Variants in GLIS3 observed in about 807,000 individuals in gnomAD.
GLIS3 encodes GLIS family zinc finger 3, also known as zinc finger protein GLIS3.
A neutral mutation model predicts 78.6 loss-of-function variants in GLIS3; 53 were observed. That is an observed-to-expected ratio of 0.67 (90% CI 0.54 to 0.85). GLIS3 has a LOEUF of 0.85. Ranked by LOEUF, GLIS3 falls within the 40% of genes least tolerant of loss-of-function variation. The pLI is 0.00. For missense variants in GLIS3, 1,703 were observed against 1,231.1 expected (o/e 1.38, Z -5.74); for synonymous variants, 684 against 509.9 (o/e 1.34, Z -4.60).
intron 6 of GLIS3, among the ~76,000 whole-genome samples, chr9:3,919,461 C>A (rs1197037731): frequency 6.6e-6 from 1 of 151,812 alleles, no homozygotes; most frequent in Admixed American, 6.6e-5. Flanking sequence ...TATAGGGGAA[C>A]AACACACACT....
At chr9:4,242,823 T>A (rs1463511237) in intron 2 of GLIS3, among the ~76,000 whole-genome samples, 1 of 152,216 alleles carries the variant, frequency 6.6e-6, no homozygotes, top group South Asian at 2.1e-4. Flanking sequence ...GTATTTTAGA[T>A]AAAAATGTAT....
At chr9:3,978,973 G>C (rs542053406) in intron 4 of GLIS3, among the ~76,000 whole-genome samples, 1 of 152,144 alleles carries the variant, frequency 6.6e-6, no homozygotes, top group Admixed American at 6.5e-5. Context: ...GAGATTATCT[G>C]ATGTATACAG....
chr9:3,832,860 C>T (rs1259267843), intron 9 of GLIS3, among the ~76,000 whole-genome samples: 1 of 152,194 alleles, frequency 6.6e-6, no homozygotes, highest in Non-Finnish European at 1.5e-5. Context: ...ACTCCCACAA[C>T]TTCACAAATA....
chr9:4,350,493 T>A (rs148136785), upstream of GLIS3, among the ~76,000 whole-genome samples: 1 of 152,206 alleles, frequency 6.6e-6, no homozygotes, highest in Non-Finnish European at 1.5e-5. Flanking sequence ...CTGTGCACAG[T>A]GTAAATTTAT....
At chr9:4,411,480 A>C in the GLIS3 span, among the ~76,000 whole-genome samples, 1 of 152,214 alleles carries the variant, frequency 6.6e-6, no homozygotes, top group Non-Finnish European at 1.5e-5. Flanking sequence ...CAAATGTAGT[A>C]AATGCTCACA....
intron 2 of GLIS3, among the ~76,000 whole-genome samples, chr9:4,248,173 T>C (rs113815371): frequency 2.0e-5 from 3 of 152,276 alleles, no homozygotes; most frequent in East Asian, 1.9e-4. Context: ...CGTGACATAA[T>C]GGTTTGCTGC....
intron 9 of GLIS3, among the ~76,000 whole-genome samples, chr9:3,836,397 C>T (rs1818354860): frequency 6.6e-6 from 1 of 152,232 alleles, no homozygotes; most frequent in Admixed American, 6.5e-5. Flanking sequence ...ATTTTGGCCC[C>T]AGTCATATGG....
chr9:4,008,383 T>C (rs1821728033), intron 4 of GLIS3, among the ~76,000 whole-genome samples: 1 of 152,070 alleles, frequency 6.6e-6, no homozygotes, highest in African/African-American at 2.4e-5. Flanking sequence ...CAGTGCCATT[T>C]TCCCTGCCCT....
intron 8 of GLIS3, among the ~76,000 whole-genome samples, chr9:3,868,803 CCTT>C (rs1820775580): frequency 1.3e-5 from 2 of 152,024 alleles, no homozygotes; most frequent in East Asian, 3.9e-4. Context: ...TGGCTCTCTT[CCTT>C]CTTAGCTTTT....
chr9:4,481,949 G>A, the GLIS3 span, among the ~76,000 whole-genome samples: 1 of 152,202 alleles, frequency 6.6e-6, no homozygotes, highest in East Asian at 1.9e-4. Context: ...TTTTGCAATT[G>A]TAAATTTTAA....
the GLIS3 span, among the ~76,000 whole-genome samples, chr9:4,457,956 G>A: frequency 6.6e-6 from 1 of 151,992 alleles, no homozygotes; most frequent in South Asian, 2.1e-4. Context: ...TGACCTTTGT[G>A]TACTTGTTAG....
chr9:4,364,756 C>CTTTGTTTTTTTTT, the GLIS3 span, among the ~76,000 whole-genome samples: 1 of 61,080 alleles, frequency 1.6e-5, no homozygotes, highest in Non-Finnish European at 2.9e-5. Flanking sequence ...TCATGTATTG[C>CTTTGTTTTTTTTT]TTTTTTTTTT....
intron 2 of GLIS3, among the ~76,000 whole-genome samples, chr9:4,267,550 A>G (rs1327288994): frequency 6.6e-6 from 1 of 152,190 alleles, no homozygotes; most frequent in Non-Finnish European, 1.5e-5. Flanking sequence ...GTCCTTGACA[A>G]TCCCTAGCTA....
intron 2 of GLIS3, among the ~76,000 whole-genome samples, chr9:4,141,510 C>T (rs1224098731): frequency 2.0e-5 from 3 of 152,202 alleles, no homozygotes; most frequent in African/African-American, 7.2e-5. Context: ...GTTCTGCTCT[C>T]TACAAACACC....
intron 6 of GLIS3, among the ~76,000 whole-genome samples, chr9:3,925,998 C>A (rs1825195831): frequency 6.6e-6 from 1 of 152,272 alleles, no homozygotes. Flanking sequence ...CAAATGCTAA[C>A]CATCTGGGTC....
chr9:4,465,089 C>A, the GLIS3 span, among the ~76,000 whole-genome samples: 2 of 152,224 alleles, frequency 1.3e-5, no homozygotes, highest in Admixed American at 1.3e-4. Context: ...TACAGCATTA[C>A]CAGAATCAAC....
At chr9:4,220,354 A>C (rs1481145899) in intron 2 of GLIS3, among the ~76,000 whole-genome samples, 1 of 152,234 alleles carries the variant, frequency 6.6e-6, no homozygotes, top group Non-Finnish European at 1.5e-5. Context: ...CACATCAAAA[A>C]CTTATTAATC....
chr9:4,469,381 T>A, the GLIS3 span, among the ~76,000 whole-genome samples: 5 of 152,144 alleles, frequency 3.3e-5, no homozygotes, highest in East Asian at 9.6e-4. Context: ...ACCACATAGT[T>A]GGAAGTAAAG....
upstream of GLIS3, among the ~76,000 whole-genome samples, chr9:4,352,318 C>G: frequency 6.6e-6 from 1 of 152,250 alleles, no homozygotes; most frequent in East Asian, 1.9e-4. Flanking sequence ...TGAGGTTGGC[C>G]TATGACTACT....
Sources: allele counts gnomAD v4.1 joint callset (sites outside exome capture counted in the v4.1 genomes callset), GRCh38; gene constraint gnomAD v4.1.1; transcripts MANE v1.5; gene names NCBI Gene and HGNC (gene_info 2026-07-23, HGNC 2026-07-21).